The following PTPRQ variants were observed in gnomAD, a reference collection of about 807,000 sequenced individuals.
The protein encoded by PTPRQ is protein tyrosine phosphatase receptor type Q.
Under a neutral mutation model 246.0 loss-of-function variants are expected in PTPRQ, and 199 were observed. That is an observed-to-expected ratio of 0.81 (90% CI 0.72 to 0.91). PTPRQ has a LOEUF of 0.91. Ranked by LOEUF, PTPRQ falls within the 40% of genes least tolerant of loss-of-function variation. The pLI is 0.00. For synonymous variants in PTPRQ, 869 were observed against 853.2 expected, an observed-to-expected ratio of 1.02 and a Z score of -0.32; for missense variants, 2,624 against 2,528.4, an observed-to-expected ratio of 1.04 and a Z score of -0.81.
intron 24 of PTPRQ, among the ~76,000 whole-genome samples, chr12:80,548,320 T>A (rs1248588328): frequency 6.6e-6 from 1 of 152,132 alleles, no homozygotes; most frequent in Non-Finnish European, 1.5e-5. Context: ...GTTCAGCAAA[T>A]TGTCAACTAT....
intron 17 of PTPRQ, among the ~76,000 whole-genome samples, chr12:80,529,335 T>A (rs550677402): frequency 2.0e-5 from 3 of 152,162 alleles, no homozygotes; most frequent in Non-Finnish European, 2.9e-5. Flanking sequence ...TAATAACTGA[T>A]TAAAGTTTTG....
At chr12:80,486,005 G>T (rs932755277) in intron 9 of PTPRQ, among the ~76,000 whole-genome samples, 14 of 152,132 alleles carry the variant, frequency 9.2e-5, no homozygotes, top group African/African-American at 3.1e-4. Flanking sequence ...GTGCTATATA[G>T]CAAGTGGTTA....
chr12:80,576,830 C>T (rs1199546861), intron 25 of PTPRQ, among the ~76,000 whole-genome samples: 1 of 152,194 alleles, frequency 6.6e-6, no homozygotes, highest in Non-Finnish European at 1.5e-5. Context: ...ATTATGCTAA[C>T]ACAAACCTCT....
At chr12:80,506,718 A>G (rs988644173) in intron 16 of PTPRQ, 48 bp downstream of exon 16, 4 of 1,478,566 alleles carry the variant, frequency 2.7e-6, no homozygotes, top group Non-Finnish European at 3.6e-6. Flanking sequence ...ATAACATTCC[A>G]AGAAACACAC....
intron 7 of PTPRQ, 91 bp downstream of exon 7, chr12:80,468,929 C>G: frequency 6.8e-7 from 1 of 1,462,614 alleles, no homozygotes; most frequent in Non-Finnish European, 9.0e-7. Flanking sequence ...GTATCAGACT[C>G]TTTTTAAAAG....
chr12:80,618,937 T>C (rs1898870237), intron 30 of PTPRQ, among the ~76,000 whole-genome samples: 1 of 151,578 alleles, frequency 6.6e-6, no homozygotes, highest in Non-Finnish European at 1.5e-5. Context: ...GAAAAAAATA[T>C]GGGATGCTAT....
intron 25 of PTPRQ, among the ~76,000 whole-genome samples, chr12:80,567,607 T>C (rs1003006940): frequency 6.6e-6 from 1 of 152,250 alleles, no homozygotes; most frequent in Non-Finnish European, 1.5e-5. Context: ...TGTTTCAACA[T>C]AACTGTTGCT....
intron 14 of PTPRQ, among the ~76,000 whole-genome samples, chr12:80,505,369 T>C (rs756599264): frequency 3.9e-5 from 6 of 151,978 alleles, no homozygotes; most frequent in Non-Finnish European, 8.8e-5. Flanking sequence ...GTTTTAGTTA[T>C]TTTAAGTAAG....
intron 25 of PTPRQ, among the ~76,000 whole-genome samples, chr12:80,587,890 T>C (rs1897669058): frequency 6.6e-6 from 1 of 152,186 alleles, no homozygotes; most frequent in South Asian, 2.1e-4. Flanking sequence ...TGATTGAATT[T>C]GGAAGCAAAA....
intron 36 of PTPRQ, 119 bp downstream of exon 36, chr12:80,649,042 G>T: frequency 1.1e-6 from 1 of 945,882 alleles, no homozygotes; most frequent in Non-Finnish European, 1.5e-6. Context: ...CCTCCAAGCT[G>T]GATATAAATC....
At chr12:80,456,361 T>G (rs1023174479) in intron 3 of PTPRQ, among the ~76,000 whole-genome samples, 1 of 152,174 alleles carries the variant, frequency 6.6e-6, no homozygotes, top group Admixed American at 6.5e-5. Context: ...ATAAAAGATT[T>G]GTGATGACTA....
chr12:80,679,426 T>C lies in PTPRQ; in HGVS notation c.*403T>C, dbSNP rs1371926178. 1.3e-5 allele frequency: 2 copies of C among 156,596 alleles called. No individual in the cohort carries two copies. The highest frequency in any genetic ancestry group is 6.4e-5 in the Admixed American group (1 of 15,554). 9.7% of individuals were successfully genotyped at this position (156,596 alleles called of 1,614,324 possible). ...TAGTGTTGTTTTGGCTTACAGGGTA[T>C]TGATGTTTCTTGTGGATAATTTCCA... On this transcript the variant is annotated 3_prime_UTR_variant, in exon 45 of 45. Transcript: ENST00000644991.
chr12:80,477,480 T>C (rs954039160), intron 8 of PTPRQ, among the ~76,000 whole-genome samples: 2 of 152,238 alleles, frequency 1.3e-5, no homozygotes, highest in African/African-American at 4.8e-5. Flanking sequence ...AATTATTCTG[T>C]TATTCTGCTC....
At chr12:80,496,608 T>A in intron 14 of PTPRQ, 77 bp downstream of exon 14, 1 of 1,436,600 alleles carries the variant, frequency 7.0e-7, no homozygotes, top group Non-Finnish European at 9.2e-7. Context: ...CCATGTTGTT[T>A]ACATTTTACA....
At chr12:80,567,032 C>T (rs1235814029) in intron 25 of PTPRQ, among the ~76,000 whole-genome samples, 1 of 152,034 alleles carries the variant, frequency 6.6e-6, no homozygotes, top group Non-Finnish European at 1.5e-5. Flanking sequence ...GTGTGTGCAC[C>T]TTAAAAGCTA....
At chr12:80,481,970 A>T (rs1166450946) in intron 8 of PTPRQ, among the ~76,000 whole-genome samples, 5 of 132,860 alleles carry the variant, frequency 3.8e-5, no homozygotes, top group South Asian at 5.2e-4. Context: ...TTACAGATTC[A>T]ATGCCATCCC....
intron 7 of PTPRQ, 55 bp from the exon 8 acceptor site, chr12:80,472,050 A>G: frequency 6.5e-7 from 1 of 1,543,682 alleles, no homozygotes; most frequent in Non-Finnish European, 8.8e-7. Context: ...TTAAATGTGA[A>G]CATGATTGCA....
intron 23 of PTPRQ, among the ~76,000 whole-genome samples, chr12:80,544,101 G>A (rs1467199710): frequency 2.0e-5 from 3 of 152,090 alleles, no homozygotes; most frequent in African/African-American, 7.2e-5. Context: ...TAGCATAGCG[G>A]TGAAGCAAGG....
At chr12:80,606,138 T>C (rs1297365172) in intron 27 of PTPRQ, among the ~76,000 whole-genome samples, 1 of 151,038 alleles carries the variant, frequency 6.6e-6, no homozygotes, top group Non-Finnish European at 1.5e-5. Flanking sequence ...AGGAAAGGAA[T>C]GAGTTCAGTA....
Sources: gnomAD v4.1 joint callset for allele counts (sites outside exome capture counted in the v4.1 genomes callset) on GRCh38, gnomAD v4.1.1 for gene constraint, MANE v1.5 for transcripts, NCBI Gene and HGNC (gene_info 2026-07-23, HGNC 2026-07-21) for gene names.